Variants in SRGAP3 observed in about 807,000 individuals in gnomAD.
The protein encoded by SRGAP3 is SLIT-ROBO Rho GTPase activating protein 3, also known as SLIT-ROBO Rho GTPase-activating protein 3.
In SRGAP3, 39 loss-of-function variants were observed where a neutral mutation model predicts 121.1. The ratio of observed to expected loss-of-function variants is 0.32; its 90% CI spans 0.25 to 0.42. The LOEUF (loss-of-function observed/expected upper bound fraction) is 0.42. Among genes scored for constraint, SRGAP3 ranks in the 10% least tolerant of loss-of-function variants. The probability of loss-of-function intolerance (pLI) is 1.00; values close to 1 mark genes in which losing one functional copy is unlikely to be tolerated. For synonymous variants in SRGAP3, 601 were observed against 570.0 expected (o/e 1.05, Z -0.77); for missense variants, 1,213 against 1,470.6 (o/e 0.82, Z 2.86).
At chr3:9,027,893 G>C (rs1944293887) in intron 12 of SRGAP3, among the ~76,000 whole-genome samples, 1 of 152,192 alleles carries the variant, frequency 6.6e-6, no homozygotes, top group Non-Finnish European at 1.5e-5. Context: ...CATGTAATAT[G>C]CTCTTGTGAA....
intron 2 of SRGAP3, 39 bp downstream of exon 2, chr3:9,124,686 C>T: frequency 6.2e-7 from 1 of 1,612,716 alleles, no homozygotes; most frequent in Non-Finnish European, 8.5e-7. Flanking sequence ...CACCCCAGTG[C>T]TGCCTCCCAT....
intron 5 of SRGAP3, among the ~76,000 whole-genome samples, chr3:9,063,818 C>T (rs1224547956): frequency 1.3e-5 from 2 of 152,198 alleles, no homozygotes; most frequent in African/African-American, 2.4e-5. Context: ...GCTCATTTGA[C>T]TCCAAAGCTA....
At chr3:9,233,513 A>T (rs887074135) in intron 1 of SRGAP3, among the ~76,000 whole-genome samples, 10 of 152,156 alleles carry the variant, frequency 6.6e-5, no homozygotes, top group Admixed American at 6.5e-4. Context: ...CCCTTTCTGG[A>T]ACCACTTTTA....
chr3:9,248,892 T>C lies in SRGAP3; in HGVS notation c.60A>G (p.Gln20=), dbSNP rs769746363. 1.2e-6 allele frequency: 2 copies of C among 1,614,194 alleles called. No homozygotes were observed. The highest frequency in any genetic ancestry group is 3.3e-5 in the Admixed American group (2 of 60,026). ...TCCCAGCCCGCATCTCACCTTTTAT[T>C]TGGGCTTCATATTCAGCAATGATCT... The part of the protein sequence containing the change: ...DKEIIAEYEA[Q]IKEIRTQLVE... Residue 20 remains glutamine (Q), a synonymous_variant, in exon 1 of 22, where the codon CAA becomes CAG. Coordinates refer to ENST00000383836, the MANE Select transcript of SRGAP3 (RefSeq NM_014850.4).
At chr3:9,222,828 C>G (rs1243121926) in intron 1 of SRGAP3, among the ~76,000 whole-genome samples, 1 of 152,214 alleles carries the variant, frequency 6.6e-6, no homozygotes, top group Admixed American at 6.5e-5. Context: ...TTCCCAAGAG[C>G]ATTTTGCCCC....
At chr3:9,329,795 GC>G (rs1955575740) in intron 2 of SRGAP3, among the ~76,000 whole-genome samples, 1 of 152,034 alleles carries the variant, frequency 6.6e-6, no homozygotes, top group Non-Finnish European at 1.5e-5. Context: ...GGAGGAAAAA[GC>G]TCCCCATGTC....
chr3:9,345,572 C>T (rs559299322), intron 1 of SRGAP3, among the ~76,000 whole-genome samples: 7 of 151,486 alleles, frequency 4.6e-5, no homozygotes, highest in Non-Finnish European at 8.8e-5. Flanking sequence ...CACTTGAGGC[C>T]AGGAGTTTAA....
chr3:9,214,954 G>T (rs1952566062), intron 1 of SRGAP3, among the ~76,000 whole-genome samples: 1 of 151,854 alleles, frequency 6.6e-6, no homozygotes, highest in African/African-American at 2.4e-5. Flanking sequence ...CTGAGTCCTG[G>T]TTCAAAGAAA....
intron 1 of SRGAP3, among the ~76,000 whole-genome samples, chr3:9,225,355 G>A (rs1228789305): frequency 1.3e-5 from 2 of 152,186 alleles, no homozygotes; most frequent in African/African-American, 4.8e-5. Flanking sequence ...GTCTGCAAAT[G>A]TCTAGCAGGC....
At chr3:9,205,678 C>T (rs1186014008) in intron 1 of SRGAP3, among the ~76,000 whole-genome samples, 2 of 152,200 alleles carry the variant, frequency 1.3e-5, no homozygotes, top group African/African-American at 2.4e-5. Context: ...CCAGTGCTTA[C>T]AGAATGCAGG....
upstream of SRGAP3, chr3:9,249,767 A>G (rs183907854): frequency 1.8e-4 from 38 of 214,258 alleles, no homozygotes; most frequent in Non-Finnish European, 1.3e-4. Flanking sequence ...ACTGCAAGCA[A>G]AAAGGGGAAG....
At chr3:9,187,368 C>T (rs1951628205) in intron 1 of SRGAP3, among the ~76,000 whole-genome samples, 1 of 152,162 alleles carries the variant, frequency 6.6e-6, no homozygotes, top group Non-Finnish European at 1.5e-5. Context: ...TTCATCACTG[C>T]TGTCCAGTGA....
chr3:9,132,299 T>C (rs1463987505), intron 1 of SRGAP3, among the ~76,000 whole-genome samples: 5 of 152,224 alleles, frequency 3.3e-5, no homozygotes, highest in African/African-American at 1.2e-4. Context: ...CTTTGTGTTG[T>C]ACATTCTCTG....
rs553754220 is a variant in SRGAP3 at position 9,248,171 on chromosome 3, C to T, written c.67+714G>A. On this transcript the variant is annotated intron_variant, in intron 1 of 21. Transcript: ENST00000383836. The stretch of plus-strand genomic sequence containing the variant: ...GCGCTGACCAGCCCAAACGGCATGC[C>T]GAGGTGTTGGCTTTGAATGAAAGCT... Among the ~76,000 whole-genome samples the T allele has an allele frequency of 2.6e-5, 4 of 152,330 alleles. No individual in the cohort carries two copies. In the South Asian group the frequency reaches 8.3e-4, roughly 32 times the overall value.
chr3:9,093,947 C>A (rs1486506842), intron 3 of SRGAP3, among the ~76,000 whole-genome samples: 1 of 152,162 alleles, frequency 6.6e-6, no homozygotes, highest in Non-Finnish European at 1.5e-5. Flanking sequence ...CTAAAACATG[C>A]AGAAAAGGAG....
At chr3:9,229,585 T>C (rs1010418821) in intron 1 of SRGAP3, among the ~76,000 whole-genome samples, 2 of 152,148 alleles carry the variant, frequency 1.3e-5, no homozygotes, top group Non-Finnish European at 2.9e-5. Context: ...GTGTCACACA[T>C]ATCTCGCTAG....
intron 6 of SRGAP3, chr3:9,058,911 G>A (rs969581843): frequency 8.8e-6 from 2 of 227,872 alleles, no homozygotes; most frequent in South Asian, 6.4e-5. Context: ...ACAGAGACAG[G>A]GATTTACTGT....
chr3:8,988,892 G>A (rs1289920028), intron 21 of SRGAP3, among the ~76,000 whole-genome samples: 1 of 152,196 alleles, frequency 6.6e-6, no homozygotes, highest in Non-Finnish European at 1.5e-5. Context: ...CTGACAGGAG[G>A]CAGAGCTCAC....
intron 18 of SRGAP3, among the ~76,000 whole-genome samples, chr3:9,009,732 T>C (rs1943264420): frequency 1.3e-5 from 2 of 150,402 alleles, no homozygotes; most frequent in African/African-American, 4.9e-5. Flanking sequence ...GACTGGCCTT[T>C]CTCTCTCTCT....
Sources: allele counts gnomAD v4.1 joint callset (sites outside exome capture counted in the v4.1 genomes callset), GRCh38; gene constraint gnomAD v4.1.1; transcripts MANE v1.5; gene names NCBI Gene and HGNC (gene_info 2026-07-23, HGNC 2026-07-21).